The following EXD3 variants were observed in gnomAD, a reference collection of about 807,000 sequenced individuals.
The protein encoded by EXD3 is exonuclease mut-7 homolog.
Under a neutral mutation model 98.0 loss-of-function variants are expected in EXD3, and 92 were observed. The observed-to-expected ratio is 0.94, with a 90% CI of 0.79 to 1.12. EXD3 has a LOEUF of 1.12. Among genes scored for constraint, EXD3 ranks in the 50% most tolerant of loss-of-function variants. The pLI is 0.00. For missense variants in EXD3, 1,222 were observed against 1,191.6 expected (o/e 1.03, Z -0.38); for synonymous variants, 569 against 526.0 (o/e 1.08, Z -1.12).
chr9:137,333,987 C>G (rs1316964171), intron 17 of EXD3, among the ~76,000 whole-genome samples: 1 of 151,804 alleles, frequency 6.6e-6, no homozygotes. Flanking sequence ...AGACTACAGG[C>G]GCCCACCACC....
At chr9:137,327,434 G>T (rs535101786) in intron 17 of EXD3, among the ~76,000 whole-genome samples, 1 of 152,118 alleles carries the variant, frequency 6.6e-6, no homozygotes, top group Non-Finnish European at 1.5e-5. Flanking sequence ...CGCCCGGCCA[G>T]TATGGAGTCT....
chr9:137,323,720 C>A lies in EXD3; in HGVS notation c.2184+5G>T. Reference sequence around the variant, plus strand: ...CCCAGGTAGGACGGGGTGCGCAGGACCCACCTGGCAGCGGCTGAAGATGTC... The same window carrying A: ...CCCAGGTAGGACGGGGTGCGCAGGAACCACCTGGCAGCGGCTGAAGATGTC... On this transcript the variant is annotated splice_donor_5th_base_variant and intron_variant, in intron 19 of 21. Transcript: ENST00000340951. The A allele has an allele frequency of 1.2e-6, 2 of 1,611,600 alleles. No individual in the cohort carries two copies. The highest frequency in any genetic ancestry group is 1.7e-6 in the Non-Finnish European group (2 of 1,179,362).
At chr9:137,362,533 A>C (rs928359750) in intron 7 of EXD3, among the ~76,000 whole-genome samples, 10 of 149,198 alleles carry the variant, frequency 6.7e-5, no homozygotes, top group Non-Finnish European at 1.2e-4. Context: ...ATAGAGTCTC[A>C]CTCTGTCCCC....
chr9:137,355,701 G>GA (rs1417954903), intron 8 of EXD3, among the ~76,000 whole-genome samples: 4 of 81,220 alleles, frequency 4.9e-5, no homozygotes, highest in Admixed American at 1.1e-4. Context: ...AAGGGAGGAA[G>GA]GAGGAAGGAG....
At chr9:137,370,155 T>C (rs1835517058) in intron 5 of EXD3, among the ~76,000 whole-genome samples, 1 of 152,072 alleles carries the variant, frequency 6.6e-6, no homozygotes, top group South Asian at 2.1e-4. Context: ...ACCCACCCCT[T>C]CCAGGAAGCT....
At chr9:137,321,875 G>T (rs538813775) in intron 19 of EXD3, among the ~76,000 whole-genome samples, 1 of 152,240 alleles carries the variant, frequency 6.6e-6, no homozygotes, top group South Asian at 2.1e-4. Flanking sequence ...AGACCCTGGC[G>T]CCTTGAGTGG....
chr9:137,360,173 T>C lies in EXD3; in HGVS notation c.657-3805A>G, dbSNP rs1274917891. Among the ~76,000 whole-genome samples the C allele has an allele frequency of 3.5e-5, 3 of 86,686 alleles. 1 individual carries two copies. The highest frequency in any genetic ancestry group is 9.6e-5 in the African/African-American group (3 of 31,330). 56.9% of individuals were successfully genotyped at this position (86,686 alleles called of 152,430 possible). Reference sequence around the variant, plus strand: ...ATGGTGCTTAGCAACTTTTCCTACATTGGCTATCTGGATATCCTCTTTTGT... The same window carrying C: ...ATGGTGCTTAGCAACTTTTCCTACACTGGCTATCTGGATATCCTCTTTTGT... On this transcript the variant is annotated intron_variant, in intron 7 of 21. Transcript: ENST00000340951.
At chr9:137,338,612 C>A (rs191036272) in intron 17 of EXD3, among the ~76,000 whole-genome samples, 1 of 151,928 alleles carries the variant, frequency 6.6e-6, no homozygotes, top group Middle Eastern at 3.4e-3. Context: ...GTTGGCCGGG[C>A]GCAGTGGCTC....
chr9:137,401,435 G>T (rs1837478706), intron 1 of EXD3, among the ~76,000 whole-genome samples: 2 of 152,084 alleles, frequency 1.3e-5, no homozygotes, highest in South Asian at 4.1e-4. Context: ...GATTACAGGT[G>T]TGAGCCACCG....
chr9:137,377,848 C>G (rs1835997919), intron 3 of EXD3, among the ~76,000 whole-genome samples: 1 of 131,956 alleles, frequency 7.6e-6, no homozygotes, highest in Admixed American at 8.4e-5. Flanking sequence ...GGCTGGAGTG[C>G]AGTGGTGCGA....
intron 7 of EXD3, 135 bp downstream of exon 7, chr9:137,366,358 G>T: frequency 7.9e-7 from 1 of 1,272,254 alleles, no homozygotes; most frequent in Non-Finnish European, 1.1e-6. Context: ...CAGTCACATG[G>T]CAGCTGTGAC....
At chr9:137,340,845 C>T (rs554119363) in intron 17 of EXD3, among the ~76,000 whole-genome samples, 1 of 152,254 alleles carries the variant, frequency 6.6e-6, no homozygotes, top group South Asian at 2.1e-4. Context: ...TCATTTTTCC[C>T]TAAATTGATT....
rs1010907661 is a variant in EXD3 at position 137,405,263 on chromosome 9, C to A, written c.-47-9859G>T. Among the ~76,000 whole-genome samples, 26 of 152,332 alleles carry A rather than the reference C, an allele frequency of 1.7e-4. 1 individual carries two copies. The highest frequency in any genetic ancestry group is 6.3e-4 in the African/African-American group (26 of 41,574). On this transcript the variant is annotated intron_variant, in intron 1 of 21. Transcript: ENST00000340951. This position sits in a 1 kb window ranked among gnomAD's most constrained non-coding sequence, Gnocchi z 4.1. ...GACCCACAGAGGGCTGGGCCAGCAC[C>A]CCCGGGGGAAGGCGGTGGGCACCCA...
In EXD3 at chr9:137,395,742, G is replaced by T. The variant is rs1409482650; in HGVS notation, c.-47-338C>A. Among the ~76,000 whole-genome samples, 2 of 152,062 alleles carry T rather than the reference G, an allele frequency of 1.3e-5. No homozygotes were observed. The highest frequency in any genetic ancestry group is 2.9e-5 in the Non-Finnish European group (2 of 67,996). Reference sequence around the variant, plus strand: ...TCTTGAGGACAGCGTGACCCCCCTTGCCATGTCCCCCTCAGGCTGTGTGTC... The same window carrying T: ...TCTTGAGGACAGCGTGACCCCCCTTTCCATGTCCCCCTCAGGCTGTGTGTC... On this transcript the variant is annotated intron_variant, in intron 1 of 21. Transcript: ENST00000340951. This position sits in a 1 kb window ranked among gnomAD's most constrained non-coding sequence, Gnocchi z 6.5.
intron 1 of EXD3, among the ~76,000 whole-genome samples, chr9:137,420,468 G>C (rs1564227895): frequency 6.6e-6 from 1 of 152,172 alleles, no homozygotes; most frequent in Admixed American, 6.5e-5. Context: ...GTAAGAATCT[G>C]TTGTCCTTGT....
At chr9:137,411,804 T>C (rs1838017048) in intron 1 of EXD3, among the ~76,000 whole-genome samples, 1 of 151,272 alleles carries the variant, frequency 6.6e-6, no homozygotes. Flanking sequence ...CACAATGGTG[T>C]TTTCTGCACA....
Position 137,323,871 on chromosome 9 carries a change from C to T in EXD3, c.2053-15G>A. 4 of 1,602,790 alleles carry T rather than the reference C, an allele frequency of 2.5e-6. No individual in the cohort carries two copies. Among genetic ancestry groups the T allele is most frequent in the Non-Finnish European group, 3.4e-6 (4 of 1,176,144 alleles). The stretch of plus-strand genomic sequence containing the variant: ...TGGGCCCGGAGCTGCAAAGACACGG[C>T]TCGGCTACTGAGGGGCAGTGCAGAG... On this transcript the variant is annotated splice_polypyrimidine_tract_variant and intron_variant, in intron 18 of 21. Coordinates refer to ENST00000340951, the MANE Select transcript of EXD3 (RefSeq NM_017820.5).
intron 1 of EXD3, among the ~76,000 whole-genome samples, chr9:137,398,718 C>CGTCCCCG (rs1837338314): frequency 9.2e-6 from 1 of 108,862 alleles, no homozygotes; most frequent in African/African-American, 3.1e-5. Flanking sequence ...CGTGCACCCG[C>CGTCCCCG]ATCCCCAAGA....
chr9:137,367,663 A>C, intron 6 of EXD3: 2 of 395,542 alleles, frequency 5.1e-6, no homozygotes, highest in Non-Finnish European at 4.6e-6. Flanking sequence ...ACTCCAGGGA[A>C]GGGGTGGCCC....
Sources: allele counts gnomAD v4.1 joint callset (sites outside exome capture counted in the v4.1 genomes callset), GRCh38; gene constraint gnomAD v4.1.1; non-coding constraint Gnocchi (gnomAD v3.1); transcripts MANE v1.5; gene names NCBI Gene and HGNC (gene_info 2026-07-23, HGNC 2026-07-21).